The following GNAI3 variants were observed in gnomAD, a reference collection of about 807,000 sequenced individuals.
GNAI3 encodes the protein guanine nucleotide-binding protein G(i) subunit alpha-3.
GNAI3 carries 12 observed loss-of-function variants against 41.8 expected under a neutral mutation model. That is an observed-to-expected ratio of 0.29 (90% confidence interval 0.18 to 0.47). GNAI3 has a LOEUF of 0.47. Among genes scored for constraint, GNAI3 ranks in the 20% least tolerant of loss-of-function variants. The pLI, the probability that GNAI3 is intolerant of heterozygous loss-of-function variation, is 1.00. For missense variants in GNAI3, 360 were observed against 429.6 expected (o/e 0.84, Z 1.43); for synonymous variants, 132 against 146.5 (o/e 0.90, Z 0.71).
At chr1:109,550,590 G>A (rs1647957661) in intron 1 of GNAI3, among the ~76,000 whole-genome samples, 1 of 151,630 alleles carries the variant, frequency 6.6e-6, no homozygotes, top group Admixed American at 6.6e-5. Context: ...CTGGAGTGCA[G>A]TGGCGCGATC....
chr1:109,558,784 G>A (rs1648227318), intron 1 of GNAI3, among the ~76,000 whole-genome samples: 1 of 152,178 alleles, frequency 6.6e-6, no homozygotes, highest in South Asian at 2.1e-4. Context: ...TGCTCATAGA[G>A]TTTAGCTATC....
At chr1:109,553,735 T>TG (rs1160689943) in intron 1 of GNAI3, among the ~76,000 whole-genome samples, 1 of 152,224 alleles carries the variant, frequency 6.6e-6, no homozygotes, top group East Asian at 1.9e-4. Flanking sequence ...AATAGGTTTT[T>TG]GGGGAACAGG....
intron 1 of GNAI3, among the ~76,000 whole-genome samples, chr1:109,559,443 T>C (rs1279295544): frequency 2.0e-5 from 3 of 152,194 alleles, no homozygotes; most frequent in East Asian, 1.9e-4. Context: ...TTTTTACCAC[T>C]GAGGGATTTA....
At chr1:109,550,325 G>A (rs1382538480) in intron 1 of GNAI3, among the ~76,000 whole-genome samples, 2 of 152,098 alleles carry the variant, frequency 1.3e-5, no homozygotes, top group Non-Finnish European at 2.9e-5. Context: ...TTAAGGTTCC[G>A]GTTTGTATAC....
chr1:109,589,531 G>T (rs1417820365), intron 7 of GNAI3, among the ~76,000 whole-genome samples: 1 of 152,054 alleles, frequency 6.6e-6, no homozygotes, highest in Non-Finnish European at 1.5e-5. Flanking sequence ...AAGCAAAAGA[G>T]ATACATTAAA....
chr1:109,591,574 C>T (rs1039565828), intron 7 of GNAI3: 13 of 621,594 alleles, frequency 2.1e-5, no homozygotes, highest in South Asian at 8.3e-5. Flanking sequence ...GTCATCCTTG[C>T]GCGGGGACTG....
intron 3 of GNAI3, among the ~76,000 whole-genome samples, chr1:109,577,280 T>TTTTTTTTG (rs1557908857): frequency 6.8e-6 from 1 of 146,994 alleles, no homozygotes; most frequent in African/African-American, 2.5e-5. Context: ...TTTTTTTTGT[T>TTTTTTTTG]TTTTTTTTTT....
intron 4 of GNAI3, among the ~76,000 whole-genome samples, chr1:109,580,487 C>CTG (rs1440689050): frequency 2.6e-5 from 4 of 152,132 alleles, no homozygotes; most frequent in African/African-American, 9.7e-5. Flanking sequence ...TATAGTCAGG[C>CTG]TGTGCATAAG....
At chr1:109,553,295 CTG>C (rs1290403642) in intron 1 of GNAI3, among the ~76,000 whole-genome samples, 1 of 151,872 alleles carries the variant, frequency 6.6e-6, no homozygotes, top group African/African-American at 2.4e-5. Context: ...TATCTGCTCT[CTG>C]TATTTCTGTT....
At position 109,592,648 on chromosome 1, in the gene GNAI3, T is replaced by C. The variant is rs114706827; in HGVS notation, c.*326T>C. 2.3e-3 allele frequency: 358 copies of C among 154,282 alleles called. 1 individual carries two copies. The highest frequency in any genetic ancestry group is 8.4e-3 in the African/African-American group (348 of 41,630). 9.6% of individuals were successfully genotyped at this position (154,282 alleles called of 1,614,324 possible). A position where few individuals can be genotyped will look rare whatever the true frequency, so the allele number is the denominator to read the frequency against. The stretch of plus-strand genomic sequence containing the variant: ...CTTCAATATGTAGCTTACTCTTTTT[T>C]TCCCCCCTTCTTAAACCACCAGTGG... On this transcript the variant is annotated 3_prime_UTR_variant, in exon 9 of 9. Transcript: ENST00000369851.
intron 3 of GNAI3, among the ~76,000 whole-genome samples, chr1:109,578,141 A>G (rs987042741): frequency 6.6e-6 from 1 of 152,124 alleles, no homozygotes; most frequent in Non-Finnish European, 1.5e-5. Flanking sequence ...CCTCTCCCTC[A>G]CATATTTTAT....
intron 7 of GNAI3, among the ~76,000 whole-genome samples, chr1:109,589,154 A>G (rs1425445107): frequency 1.3e-5 from 2 of 152,214 alleles, no homozygotes; most frequent in Admixed American, 6.5e-5. Flanking sequence ...CTATGGAGAT[A>G]ATATTATAGA....
Position 109,593,889 on chromosome 1 carries a change from T to C in GNAI3, c.*1567T>C, listed in dbSNP as rs941620461. The C allele has an allele frequency of 2.0e-5, 3 of 152,632 alleles. No homozygotes were observed. Among genetic ancestry groups the C allele is most frequent in the Admixed American group, 2.0e-4 (3 of 15,274 alleles). 9.5% of individuals were successfully genotyped at this position (152,632 alleles called of 1,614,324 possible). On this transcript the variant is annotated 3_prime_UTR_variant, in exon 9 of 9. Transcript: ENST00000369851. The stretch of plus-strand genomic sequence containing the variant: ...AAATCAGTAGTTTGGGCAGTGCCTT[T>C]TGGGGTCCAATCTTTTTGGATTGGA...
chr1:109,562,376 T>G (rs1295570671), intron 1 of GNAI3, among the ~76,000 whole-genome samples: 1 of 152,126 alleles, frequency 6.6e-6, no homozygotes, highest in Non-Finnish European at 1.5e-5. Context: ...ATTGGTGGAT[T>G]TTGGTATCCT....
At chr1:109,588,023 A>G (rs1006025531) in intron 7 of GNAI3, among the ~76,000 whole-genome samples, 2 of 152,084 alleles carry the variant, frequency 1.3e-5, no homozygotes, top group African/African-American at 4.8e-5. Flanking sequence ...TTTCCTAACC[A>G]GCTTTCTCTG....
chr1:109,592,125 C>A lies in GNAI3; in HGVS notation c.957C>A (p.Ile319=), dbSNP rs762669821. Residue 319 remains isoleucine (I), a synonymous_variant, in exon 8 of 9, where the codon ATC becomes ATA. Transcript: ENST00000369851. The part of the protein sequence containing the change: ...DLNRRKDTKE[I]YTHFTCATDT... Reference sequence around the variant, plus strand: ...ACAGAAGAAAAGATACCAAGGAGATCTATACTCACTTCACCTGTGCCACAG... The same window carrying A: ...ACAGAAGAAAAGATACCAAGGAGATATATACTCACTTCACCTGTGCCACAG... The A allele has an allele frequency of 5.6e-6, 9 of 1,610,888 alleles. No individual in the cohort carries two copies. Among genetic ancestry groups the A allele is most frequent in the Non-Finnish European group, 7.6e-6 (9 of 1,177,072 alleles).
chr1:109,555,120 C>G (rs1648106849), intron 1 of GNAI3, among the ~76,000 whole-genome samples: 1 of 152,126 alleles, frequency 6.6e-6, no homozygotes, highest in African/African-American at 2.4e-5. Context: ...AGCATATCTA[C>G]AAATTCAATG....
intron 1 of GNAI3, 78 bp downstream of exon 1, chr1:109,548,916 G>C: frequency 1.0e-6 from 1 of 971,478 alleles, no homozygotes; most frequent in Admixed American, 2.0e-5. Context: ...GGTCTGGTCG[G>C]GCCGACGGAA....
Position 109,598,565 on chromosome 1 carries a change from C to T in GNAI3, c.*6243C>T, listed in dbSNP as rs17648684. Reference sequence around the variant, plus strand: ...AGGCAGCACCAACAAAGGTATTCAACGTAGTGGGTGGTCTTTTACAGCATT... The same window carrying T: ...AGGCAGCACCAACAAAGGTATTCAATGTAGTGGGTGGTCTTTTACAGCATT... On this transcript the variant is annotated 3_prime_UTR_variant, in exon 9 of 9. Coordinates refer to ENST00000369851, the MANE Select transcript of GNAI3 (RefSeq NM_006496.4). 7,936 of 186,844 alleles carry T rather than the reference C, an allele frequency of 0.042. 242 individuals are homozygous for T. The highest frequency in any genetic ancestry group is 0.06 in the Non-Finnish European group (5,202 of 86,912). The allele number at this position is 186,844 out of a possible 1,614,324, so 11.6% of individuals were successfully genotyped here.
Sources: gnomAD v4.1 joint callset for allele counts (sites outside exome capture counted in the v4.1 genomes callset) on GRCh38, gnomAD v4.1.1 for gene constraint, MANE v1.5 for transcripts, NCBI Gene and HGNC (gene_info 2026-07-23, HGNC 2026-07-21) for gene names.